Variants in NUP214 observed in about 807,000 individuals in gnomAD.
The protein encoded by NUP214 is nuclear pore complex protein Nup214.
In NUP214, 79 loss-of-function variants were observed where a neutral mutation model predicts 196.2. The ratio of observed to expected loss-of-function variants is 0.40; its 90% CI spans 0.34 to 0.49. NUP214 has a LOEUF of 0.49. Among genes scored for constraint, NUP214 ranks in the 20% least tolerant of loss-of-function variants. The pLI, the probability that NUP214 is intolerant of heterozygous loss-of-function variation, is 0.58. For missense variants in NUP214, 2,468 were observed against 2,539.0 expected (o/e 0.97, Z 0.60); for synonymous variants, 1,020 against 990.5 (o/e 1.03, Z -0.56).
intron 24 of NUP214, among the ~76,000 whole-genome samples, chr9:131,184,477 G>C (rs1193822500): frequency 6.6e-6 from 1 of 151,534 alleles, no homozygotes; most frequent in Non-Finnish European, 1.5e-5. Context: ...GGGACTACAG[G>C]CACCTGCCAC....
chr9:131,179,644 G>T (rs1381252276), intron 24 of NUP214, among the ~76,000 whole-genome samples: 1 of 152,190 alleles, frequency 6.6e-6, no homozygotes, highest in Non-Finnish European at 1.5e-5. Context: ...TCTGCCCACG[G>T]TTCTGTTTTC....
chr9:131,207,838 G>C (rs1220393249), intron 30 of NUP214, among the ~76,000 whole-genome samples: 1 of 152,212 alleles, frequency 6.6e-6, no homozygotes, highest in East Asian at 1.9e-4. Flanking sequence ...GCAGATGCCA[G>C]GTCTGGGTTT....
intron 23 of NUP214, among the ~76,000 whole-genome samples, chr9:131,177,651 A>G (rs1358109366): frequency 6.6e-6 from 1 of 152,180 alleles, no homozygotes; most frequent in African/African-American, 2.4e-5. Flanking sequence ...GTAATGAGCC[A>G]CAAGCTTTGC....
Position 131,215,325 on chromosome 9 carries a change from A to G in NUP214, c.5706A>G (p.Pro1902=), listed in dbSNP as rs1294459013. 7.5e-6 allele frequency: 12 copies of G among 1,606,520 alleles called. No individual in the cohort carries two copies. In the Admixed American group the frequency reaches 1.3e-4, roughly 18 times the overall value. The change falls in exon 31 of 36, where the codon CCA becomes CCG. Residue 1902 remains proline, a synonymous_variant. Transcript: ENST00000359428. Reference sequence around the variant, plus strand: ...GTCAGGATGCAGCCAACAAAAACCCATTCAGCTCGGCCAGTGGGGGCTTTG... The same window carrying G: ...GTCAGGATGCAGCCAACAAAAACCCGTTCAGCTCGGCCAGTGGGGGCTTTG... ...KPSQDAANKN[P]FSSASGGFGS...
intron 23 of NUP214, among the ~76,000 whole-genome samples, chr9:131,177,904 C>G (rs1220811900): frequency 6.6e-6 from 1 of 152,122 alleles, no homozygotes; most frequent in African/African-American, 2.4e-5. Context: ...AACACAGAGC[C>G]TGGCACATAA....
intron 17 of NUP214, 23 bp downstream of exon 17, chr9:131,151,917 T>C (rs757954462): frequency 2.9e-5 from 45 of 1,533,260 alleles, no homozygotes; most frequent in Non-Finnish European, 3.9e-5. Flanking sequence ...TGTAAATCTG[T>C]TTAAAAGATT....
At position 131,151,794 on chromosome 9, in the gene NUP214, T is replaced by C; in HGVS notation, c.2336T>C (p.Val779Ala). Reference sequence around the variant, plus strand: ...ACTTTACTTGAGGGCTTTGCTGGTGTTGAGGAAGCCAGAGAACAAAATGAA... The same window carrying C: ...ACTTTACTTGAGGGCTTTGCTGGTGCTGAGGAAGCCAGAGAACAAAATGAA... Reference protein sequence around the residue: ...KTTLLEGFAGVEEAREQNERN... With the variant: ...KTTLLEGFAGAEEAREQNERN... Residue 779 changes from valine to alanine, a missense_variant, in exon 17 of 36, where the codon GTT becomes GCT. By Grantham distance (64) the Val-to-Ala change is moderately conservative (BLOSUM62 0). This residue lies in a region of NUP214 where 1,801 missense variants were observed against 1,779.4 expected (regional missense o/e 1.01). Coordinates refer to ENST00000359428, the MANE Select transcript of NUP214 (RefSeq NM_005085.4). 1 of 1,613,712 alleles carries C rather than the reference T, an allele frequency of 6.2e-7. No individual in the cohort carries two copies. Among genetic ancestry groups the C allele is most frequent in the Non-Finnish European group, 8.5e-7 (1 of 1,179,912 alleles).
chr9:131,144,582 A>G lies in NUP214; in HGVS notation c.1597A>G (p.Thr533Ala). Reference sequence around the variant, plus strand: ...CCCTTCTAAAGCCTCCCTAGCCCCCACCCCTGCAGCGTCTCCTGTGGCTCC... The same window carrying G: ...CCCTTCTAAAGCCTCCCTAGCCCCCGCCCCTGCAGCGTCTCCTGTGGCTCC... Reference protein sequence around the residue: ...VPPSKASLAPTPAASPVAPSA... With the variant: ...VPPSKASLAPAPAASPVAPSA... Residue 533 changes from threonine (T) to alanine (A), a missense_variant, in exon 12 of 36, where the codon ACC (threonine) becomes GCC (alanine). Physicochemically the swap from Thr to Ala is moderately conservative, Grantham distance 58. Transcript: ENST00000359428. 1 of 1,612,524 alleles carries G rather than the reference A, an allele frequency of 6.2e-7. No homozygotes were observed. Among genetic ancestry groups the G allele is most frequent in the Non-Finnish European group, 8.5e-7 (1 of 1,179,652 alleles).
At chr9:131,170,147 A>G (rs719854) in intron 21 of NUP214, among the ~76,000 whole-genome samples, 102,312 of 151,948 alleles carry the variant, frequency 0.67, 34,760 homozygotes, top group Admixed American at 0.76. Context: ...AAATGTGACT[A>G]TGGTGCATTT....
At chr9:131,192,026 C>T (rs572952544) in intron 26 of NUP214, 182 bp from the exon 27 acceptor site, 7 of 465,132 alleles carry the variant, frequency 1.5e-5, no homozygotes, top group East Asian at 1.0e-4. Context: ...TTTCAGAGAC[C>T]TCAAACACAA....
intron 32 of NUP214, among the ~76,000 whole-genome samples, chr9:131,224,023 C>G (rs1353530826): frequency 6.6e-6 from 1 of 151,840 alleles, no homozygotes; most frequent in East Asian, 1.9e-4. Context: ...CGTGAGCCAC[C>G]ATGCCCAGCC....
chr9:131,199,943 G>T (rs527935464), intron 29 of NUP214, among the ~76,000 whole-genome samples: 5 of 152,256 alleles, frequency 3.3e-5, no homozygotes, highest in African/African-American at 9.6e-5. Flanking sequence ...GACAGATATG[G>T]TTTTGAGACC....
chr9:131,132,180 C>T (rs1422477375), intron 5 of NUP214, among the ~76,000 whole-genome samples: 3 of 132,128 alleles, frequency 2.3e-5, no homozygotes, highest in African/African-American at 5.7e-5. Flanking sequence ...AGTGCAATGA[C>T]GTGATTTCAG....
chr9:131,146,149 C>G lies in NUP214; in HGVS notation c.1790C>G (p.Ser597Cys), dbSNP rs761964038. 1.9e-6 allele frequency: 3 copies of G among 1,614,176 alleles called. No individual in the cohort carries two copies. Among genetic ancestry groups the G allele is most frequent in the East Asian group, 2.2e-5 (1 of 44,886 alleles). Residue 597 changes from serine to cysteine, a missense_variant, in exon 13 of 36, where the codon TCT (serine) becomes TGT (cysteine). Ser to Cys is a moderately radical substitution (Grantham distance 112). Coordinates refer to ENST00000359428, the MANE Select transcript of NUP214 (RefSeq NM_005085.4). The surrounding 1 kb of genome is among the most constrained non-coding windows in gnomAD (Gnocchi z 4.6). ...LSEKFTAAAT[S>C]TPVSSSQSAP... ...TTCAGGTTTACTGCTGCAGCTACCT[C>G]TACTCCTGTTAGTAGCTCCCAGAGC... is the stretch of plus-strand genomic sequence containing the variant.
chr9:131,232,251 G>A lies in NUP214; in HGVS notation c.6215-33G>A, dbSNP rs147942797. 4.3e-4 allele frequency: 700 copies of A among 1,613,826 alleles called. 4 individuals are homozygous for A. The Middle Eastern group carries it at 0.014, about 32-fold the overall frequency. On this transcript the variant is annotated intron_variant, in intron 34 of 35. Coordinates refer to ENST00000359428, the MANE Select transcript of NUP214 (RefSeq NM_005085.4). This position sits in a 1 kb window ranked among gnomAD's most constrained non-coding sequence, Gnocchi z 5.1. ...CCACCTTTGTCTTTCGAGTGGATGC[G>A]TGCTTTAACTTCACTCTTATTCTGC...
rs1339336897 is a variant in NUP214 at position 131,185,440 on chromosome 9, C to T, written c.3420-1849C>T. 2.6e-5 allele frequency among the ~76,000 whole-genome samples: 4 copies of T among 152,170 alleles called. No individual in the cohort carries two copies. In the East Asian group the frequency reaches 7.7e-4, roughly 29 times the overall value. On this transcript the variant is annotated intron_variant, in intron 24 of 35. Transcript: ENST00000359428. ...GTAGACTCACTCAGTAAAGAGATGT[C>T]TCTTTGGGGCTCTGTTATAGCACCA... is the stretch of plus-strand genomic sequence containing the variant.
intron 32 of NUP214, among the ~76,000 whole-genome samples, chr9:131,225,175 G>A (rs1160981377): frequency 6.6e-6 from 1 of 152,178 alleles, no homozygotes; most frequent in Non-Finnish European, 1.5e-5. Flanking sequence ...CACTTTGGGA[G>A]GCCAAGGAAG....
intron 12 of NUP214, among the ~76,000 whole-genome samples, chr9:131,145,589 C>T (rs1003109114): frequency 1.3e-5 from 2 of 152,202 alleles, no homozygotes; most frequent in South Asian, 2.1e-4. Flanking sequence ...TTTATCTGAC[C>T]AGTCATCTAA....
chr9:131,208,870 G>A (rs1456378922), intron 30 of NUP214, among the ~76,000 whole-genome samples: 1 of 148,964 alleles, frequency 6.7e-6, no homozygotes, highest in Admixed American at 6.7e-5. Flanking sequence ...AAAATTAGCT[G>A]GGCATGGTGA....
Sources: allele counts gnomAD v4.1 joint callset (sites outside exome capture counted in the v4.1 genomes callset), GRCh38; gene constraint gnomAD v4.1.1; regional missense constraint gnomAD v4.1.1; non-coding constraint Gnocchi (gnomAD v3.1); transcripts MANE v1.5; gene names NCBI Gene and HGNC (gene_info 2026-07-23, HGNC 2026-07-21).